TNRC6A: variants seen among roughly 807,000 people sequenced by gnomAD.
TNRC6A encodes trinucleotide repeat containing adaptor 6A, also known as trinucleotide repeat-containing gene 6A protein.
A neutral mutation model predicts 221.2 loss-of-function variants in TNRC6A; 44 were observed. The ratio of observed to expected loss-of-function variants is 0.20; its 90% CI spans 0.16 to 0.26. The LOEUF (loss-of-function observed/expected upper bound fraction) is 0.26. TNRC6A is among the 10% of genes least tolerant of loss of function. The pLI, the probability that TNRC6A is intolerant of heterozygous loss-of-function variation, is 1.00. For synonymous variants in TNRC6A, 847 were observed against 838.5 expected (o/e 1.01, Z -0.18); for missense variants, 2,199 against 2,404.4 (o/e 0.91, Z 1.79).
Position 24,804,772 on chromosome 16 carries a change from C to T in TNRC6A, c.3905C>T (p.Pro1302Leu). 6.2e-7 allele frequency: 1 copy of T among 1,608,856 alleles called. No homozygotes were observed. Among genetic ancestry groups the T allele is most frequent in the Non-Finnish European group, 8.5e-7 (1 of 1,178,972 alleles). Reference protein sequence around the residue: ...FMSSQSMKLPPSNSALPNQAL... With the variant: ...FMSSQSMKLPLSNSALPNQAL... The stretch of plus-strand genomic sequence containing the variant: ...TCCAGTCAAAGCATGAAGCTTCCCC[C>T]TTCAAATAGTGCACTACCTAACCAG... The change falls in exon 13 of 25, where the codon CCT (proline) becomes CTT (leucine). Residue 1302 changes from proline (P) to leucine (L), a missense_variant. Pro to Leu is a moderately conservative substitution (Grantham distance 98). Around this residue, in one of 8 missense-constraint regions of TNRC6A, gnomAD observed 158 missense variants for 159.1 expected, o/e 0.99. Transcript: ENST00000395799.
chr16:24,725,798 G>A (rs932209152), upstream of TNRC6A, among the ~76,000 whole-genome samples: 34 of 151,752 alleles, frequency 2.2e-4, no homozygotes, highest in African/African-American at 7.3e-4. Flanking sequence ...TCAGGAGTTC[G>A]AGACCAGCCT....
At position 24,766,262 on chromosome 16, in the gene TNRC6A, T is replaced by C. The variant is rs577198486; in HGVS notation, c.163+7902T>C. Among the ~76,000 whole-genome samples the C allele has an allele frequency of 2.6e-5, 4 of 152,324 alleles. No homozygotes were observed. The East Asian group carries it at 7.7e-4, about 29-fold the overall frequency. On this transcript the variant is annotated intron_variant, in intron 4 of 24. Transcript: ENST00000395799. ...CATGAATAGCTTTCTGAACTGCATT[T>C]GCCTCATCTGTAAAATGGGAATAAT... is the stretch of plus-strand genomic sequence containing the variant.
At chr16:24,674,483 G>A (rs2055367704) in intron 2 of TNRC6A, among the ~76,000 whole-genome samples, 1 of 152,088 alleles carries the variant, frequency 6.6e-6, no homozygotes, top group African/African-American at 2.4e-5. Context: ...TTATCAGTTT[G>A]CCAGGATGGC....
Position 24,756,504 on chromosome 16 carries a change from A to G in TNRC6A, c.142-1835A>G, listed in dbSNP as rs2057254587. Among the ~76,000 whole-genome samples the G allele has an allele frequency of 2.0e-5, 3 of 152,200 alleles. No individual in the cohort carries two copies. In the South Asian group the frequency reaches 6.2e-4, roughly 32 times the overall value. On this transcript the variant is annotated intron_variant, in intron 3 of 24. Transcript: ENST00000395799. The stretch of plus-strand genomic sequence containing the variant: ...CATTAAATCCGATTCTTAGGGGCAG[A>G]CACACCTTAGGTGTCTCCATGGGGC...
chr16:24,749,393 T>A (rs1257053008), intron 2 of TNRC6A, among the ~76,000 whole-genome samples: 1 of 152,200 alleles, frequency 6.6e-6, no homozygotes, highest in Non-Finnish European at 1.5e-5. Flanking sequence ...CCTATCAGAC[T>A]CCTGTGGAAG....
Position 24,786,060 on chromosome 16 carries a change from G to A in TNRC6A, c.590-3172G>A, listed in dbSNP as rs567428515. On this transcript the variant is annotated intron_variant, in intron 5 of 24. Coordinates refer to ENST00000395799, the MANE Select transcript of TNRC6A (RefSeq NM_014494.4). ...AGAGCAATTTATACTCTGTTGGAGT[G>A]TAAATCTGGAATCTGAAGATTCTGC... is the stretch of plus-strand genomic sequence containing the variant. Among the ~76,000 whole-genome samples the A allele has an allele frequency of 5.9e-5, 9 of 152,324 alleles. No homozygotes were observed. In the South Asian group the frequency reaches 1.9e-3, roughly 32 times the overall value.
intron 5 of TNRC6A, among the ~76,000 whole-genome samples, chr16:24,784,698 A>C (rs1184362977): frequency 2.0e-5 from 3 of 152,186 alleles, no homozygotes; most frequent in Admixed American, 2.0e-4. Flanking sequence ...CCAATTTTTA[A>C]AATAATCTTT....
chr16:24,729,073 T>C (rs1036817789), upstream of TNRC6A, among the ~76,000 whole-genome samples: 5 of 152,076 alleles, frequency 3.3e-5, no homozygotes, highest in Non-Finnish European at 7.4e-5. Flanking sequence ...AATTATTTCC[T>C]GAGCAGAAAA....
At chr16:24,733,930 C>T (rs2056703035) in intron 2 of TNRC6A, among the ~76,000 whole-genome samples, 1 of 152,212 alleles carries the variant, frequency 6.6e-6, no homozygotes, top group African/African-American at 2.4e-5. Flanking sequence ...AATCCCAGCA[C>T]TTTGGGAGGC....
chr16:24,664,544 A>T (rs997233869), intron 2 of TNRC6A, among the ~76,000 whole-genome samples: 13 of 143,032 alleles, frequency 9.1e-5, no homozygotes, highest in Non-Finnish European at 1.7e-4. Context: ...TATTTTTAAA[A>T]TATAATATAT....
intron 2 of TNRC6A, among the ~76,000 whole-genome samples, chr16:24,643,022 C>T (rs1420709319): frequency 6.8e-6 from 1 of 147,304 alleles, no homozygotes; most frequent in Non-Finnish European, 1.5e-5. Context: ...CCAGCCTAGG[C>T]AACAGAGTGA....
intron 2 of TNRC6A, among the ~76,000 whole-genome samples, chr16:24,681,507 C>T (rs1481343162): frequency 1.3e-5 from 2 of 152,308 alleles, no homozygotes; most frequent in South Asian, 2.1e-4. Flanking sequence ...GGATTGCAGG[C>T]GTGAGCCATC....
intron 19 of TNRC6A, 120 bp from the exon 20 acceptor site, chr16:24,816,686 TAGAGTATTAG>T: frequency 9.3e-7 from 1 of 1,081,036 alleles, no homozygotes; most frequent in Non-Finnish European, 1.3e-6. Flanking sequence ...ACCATCCTCT[TAGAGTATTAG>T]TGTAAATTGG....
intron 2 of TNRC6A, among the ~76,000 whole-genome samples, chr16:24,715,590 A>G (rs988452431): frequency 1.5e-5 from 2 of 135,840 alleles, no homozygotes; most frequent in Non-Finnish European, 3.2e-5. Context: ...GTTCTTTTCC[A>G]TTCTTGAGTA....
upstream of TNRC6A, chr16:24,729,647 A>C: frequency 3.8e-6 from 2 of 532,288 alleles, no homozygotes; most frequent in Non-Finnish European, 5.8e-6. Flanking sequence ...CGAGTGGGGC[A>C]TTCACTTCCG....
At chr16:24,815,372 CT>C (rs879266295) in intron 19 of TNRC6A, 67 bp downstream of exon 19, 2 of 1,548,678 alleles carry the variant, frequency 1.3e-6, no homozygotes, top group Non-Finnish European at 1.8e-6. Context: ...TACATCTGGA[CT>C]TACTACTGAT....
chr16:24,673,303 A>G (rs996678771), intron 2 of TNRC6A, among the ~76,000 whole-genome samples: 11 of 152,254 alleles, frequency 7.2e-5, no homozygotes, highest in Non-Finnish European at 4.4e-5. Flanking sequence ...TAACTTGACC[A>G]AGATTGAAGG....
At chr16:24,768,305 C>T (rs545543622) in intron 4 of TNRC6A, among the ~76,000 whole-genome samples, 4 of 151,864 alleles carry the variant, frequency 2.6e-5, no homozygotes, top group South Asian at 2.1e-4. Flanking sequence ...GTGGCGGGCG[C>T]GCCTGTAGTC....
chr16:24,785,036 AG>A (rs1401436414), intron 5 of TNRC6A, among the ~76,000 whole-genome samples: 22 of 152,238 alleles, frequency 1.4e-4, no homozygotes, highest in Admixed American at 1.4e-3. Context: ...CATTTTAAAA[AG>A]TTTTCAAGTA....
Sources: gnomAD v4.1 joint callset for allele counts (sites outside exome capture counted in the v4.1 genomes callset) on GRCh38, gnomAD v4.1.1 for gene constraint, gnomAD v4.1.1 regional missense constraint, MANE v1.5 for transcripts, NCBI Gene and HGNC (gene_info 2026-07-23, HGNC 2026-07-21) for gene names.